Variants in MACF1 observed in about 807,000 individuals in gnomAD.
The protein encoded by MACF1 is microtubule actin crosslinking factor 1.
In MACF1, 193 loss-of-function variants were observed where a neutral mutation model predicts 854.8. The observed-to-expected ratio is 0.23, with a 90% CI of 0.20 to 0.25. MACF1 has a LOEUF of 0.25. Ranked by LOEUF, MACF1 falls within the 10% of genes least tolerant of loss-of-function variation. MACF1 has a pLI of 1.00. For synonymous variants in MACF1, 3,185 were observed against 3,226.7 expected, an observed-to-expected ratio of 0.99 and a Z score of 0.44; for missense variants, 7,722 against 8,929.1, an observed-to-expected ratio of 0.86 and a Z score of 5.45.
At chr1:39,447,316 T>C in intron 80 of MACF1, 116 bp from the exon 81 acceptor site, 1 of 951,370 alleles carries the variant, frequency 1.1e-6, no homozygotes, top group East Asian at 2.5e-5. Flanking sequence ...TAAATGAGGC[T>C]TCCTTTTTAG....
chr1:39,438,124 A>C, intron 71 of MACF1, 116 bp downstream of exon 71: 2 of 906,930 alleles, frequency 2.2e-6, no homozygotes, highest in Non-Finnish European at 3.3e-6. Context: ...AGTCCCCAGT[A>C]ATGAGTATTC....
At chr1:39,485,402 G>A (rs1645086793) in intron 100 of MACF1, 136 bp from the exon 101 acceptor site, 2 of 1,033,270 alleles carry the variant, frequency 1.9e-6, no homozygotes, top group Non-Finnish European at 1.4e-6. Context: ...CTTCTGTATG[G>A]ATGAGGAAAC....
chr1:39,146,838 TAA>T (rs754599184), intron 2 of MACF1, among the ~76,000 whole-genome samples: 1 of 152,174 alleles, frequency 6.6e-6, no homozygotes, highest in African/African-American at 2.4e-5. Context: ...TAAAAATAAC[TAA>T]AAGAGTTTAA....
chr1:39,360,673 T>TAAG (rs1025132629), intron 47 of MACF1, 120 bp from the exon 48 acceptor site: 1 of 254,832 alleles, frequency 3.9e-6, no homozygotes, highest in Non-Finnish European at 6.6e-6. Context: ...CACATCCATA[T>TAAG]AATAATAATA....
rs780577130 is a variant in MACF1, at chr1:39,368,151, C to T, written c.12775C>T (p.Leu4259Phe). The change falls in exon 50 of 101, where the codon CTC becomes TTC. Residue 4259 changes from leucine (L) to phenylalanine (F), a missense_variant. By Grantham distance (22) the Leu-to-Phe change is conservative. Around this residue, in one of 15 missense-constraint regions of MACF1, gnomAD observed 2,807 missense variants for 3,235.8 expected, o/e 0.87. Transcript: ENST00000564288. ...ITHFFQQIQELNLEMEDQQEN... is the reference protein window; with the variant it reads ...ITHFFQQIQEFNLEMEDQQEN... ...CATTTCCTTGTTTGCTTGACAGGAG[C>T]TCAATTTGGAAATGGAAGACCAACA... is the stretch of plus-strand genomic sequence containing the variant. The T allele has an allele frequency of 5.0e-6, 8 of 1,613,402 alleles. No homozygotes were observed. In the African/African-American group the frequency reaches 6.7e-5, roughly 13 times the overall value.
At position 39,410,738 on chromosome 1, in the gene MACF1, C is replaced by T. The variant is rs1442114334; in HGVS notation, c.15817-11636C>T. On this transcript the variant is annotated intron_variant, in intron 58 of 100. Transcript: ENST00000564288. ...GCTTCTCTCAGTGAGGTTTCAGAAG[C>T]TGGTGCTTCAAATCCTTCCTTGCAA... 4.3e-6 allele frequency: 7 copies of T among 1,613,972 alleles called. No individual in the cohort carries two copies. In the South Asian group the frequency reaches 6.6e-5, roughly 15 times the overall value.
intron 20 of MACF1, among the ~76,000 whole-genome samples, chr1:39,296,116 G>A (rs140892870): frequency 1.3e-5 from 2 of 152,192 alleles, no homozygotes; most frequent in African/African-American, 4.8e-5. Flanking sequence ...CAGACAGGCT[G>A]GGGGCTGGTT....
intron 2 of MACF1, among the ~76,000 whole-genome samples, chr1:39,177,436 A>G (rs1250136180): frequency 2.0e-5 from 3 of 152,088 alleles, no homozygotes; most frequent in East Asian, 1.9e-4. Context: ...TACTGTTTCT[A>G]TAGAAGGAGT....
chr1:39,360,333 A>G (rs596062), intron 47 of MACF1, among the ~76,000 whole-genome samples: 61,278 of 151,348 alleles, frequency 0.4, 14,570 homozygotes, highest in African/African-American at 0.67. Flanking sequence ...ATTGTGATGC[A>G]TCTTCCTCTG....
chr1:39,238,988 A>G (rs1352961705), intron 2 of MACF1, among the ~76,000 whole-genome samples: 1 of 152,098 alleles, frequency 6.6e-6, no homozygotes, highest in Non-Finnish European at 1.5e-5. Flanking sequence ...GTAAGGACAA[A>G]ACCAACCAGG....
Position 39,258,022 on chromosome 1 carries a change from T to C in MACF1, c.522T>C (p.His174=). The change falls in exon 6 of 101, where the codon CAT becomes CAC. Residue 174 remains histidine, a synonymous_variant. Coordinates refer to ENST00000564288, the MANE Select transcript of MACF1 (RefSeq NM_001394062.1). ...TLGLIWTIIL[H]FQISDIYISG... is the part of the protein sequence containing the mutation. Reference sequence around the variant, plus strand: ...GTCTGATCTGGACCATTATTTTGCATTTCCAGGTAGGGCATGTGAAGTTTG... The same window carrying C: ...GTCTGATCTGGACCATTATTTTGCACTTCCAGGTAGGGCATGTGAAGTTTG... 6.2e-7 allele frequency: 1 copy of C among 1,613,974 alleles called. No individual in the cohort carries two copies. The highest frequency in any genetic ancestry group is 8.5e-7 in the Non-Finnish European group (1 of 1,179,858).
At chr1:39,475,643 G>A (rs1299751944) in intron 97 of MACF1, among the ~76,000 whole-genome samples, 1 of 152,138 alleles carries the variant, frequency 6.6e-6, no homozygotes, top group African/African-American at 2.4e-5. Flanking sequence ...AGGGATTCAA[G>A]AGGCATTTGA....
At chr1:39,167,804 T>C (rs1469174981) in intron 2 of MACF1, among the ~76,000 whole-genome samples, 2 of 151,818 alleles carry the variant, frequency 1.3e-5, no homozygotes, top group East Asian at 3.9e-4. Context: ...AGCCAAGGCT[T>C]TGGAGGTTGC....
intron 38 of MACF1, 86 bp downstream of exon 38, chr1:39,337,417 C>A (rs1012445070): frequency 3.0e-6 from 4 of 1,351,008 alleles, no homozygotes; most frequent in African/African-American, 2.9e-5. Context: ...CTTACTAGAA[C>A]CTGCTTGCAC....
Position 39,310,974 on chromosome 1 carries a change from A to G in MACF1, c.3244A>G (p.Asn1082Asp). 1.2e-6 allele frequency: 2 copies of G among 1,613,950 alleles called. No homozygotes were observed. Among genetic ancestry groups the G allele is most frequent in the Non-Finnish European group, 8.5e-7 (1 of 1,179,928 alleles). The change falls in exon 26 of 101, where the codon AAT becomes GAT. Residue 1082 changes from asparagine (N) to aspartate (D), a missense_variant. Physicochemically the swap from Asn to Asp is conservative, Grantham distance 23. This residue lies in a region of MACF1 where 1,137 missense variants were observed against 1,263.0 expected (regional missense o/e 0.90). Coordinates refer to ENST00000564288, the MANE Select transcript of MACF1 (RefSeq NM_001394062.1). Reference protein sequence around the residue: ...SRTDRDAWQDNALRIAEQEHT... With the variant: ...SRTDRDAWQDDALRIAEQEHT... ...GACTGACAGAGATGCCTGGCAGGACAATGCATTAAGGATTGCAGAGCAAGA... is the reference window on the plus strand; with the variant it reads ...GACTGACAGAGATGCCTGGCAGGACGATGCATTAAGGATTGCAGAGCAAGA...
chr1:39,181,701 G>A (rs184562396), intron 2 of MACF1, among the ~76,000 whole-genome samples: 57 of 152,284 alleles, frequency 3.7e-4, no homozygotes, highest in African/African-American at 1.2e-3. Flanking sequence ...CTGGCATAGG[G>A]ATAGACATAT....
chr1:39,292,190 A>T (rs1645805363), intron 16 of MACF1, 152 bp downstream of exon 16: 2 of 852,080 alleles, frequency 2.3e-6, no homozygotes, highest in Non-Finnish European at 1.8e-6. Flanking sequence ...CCCTTTTCAC[A>T]TGAAGTGTAT....
chr1:39,451,691 A>C (rs1644343716), intron 85 of MACF1, among the ~76,000 whole-genome samples: 1 of 152,130 alleles, frequency 6.6e-6, no homozygotes, highest in Non-Finnish European at 1.5e-5. Flanking sequence ...TGAAATTACA[A>C]CAGATTCTTA....
At chr1:39,485,392 C>G (rs968966572) in intron 100 of MACF1, 146 bp from the exon 101 acceptor site, 2 of 964,342 alleles carry the variant, frequency 2.1e-6, no homozygotes, top group African/African-American at 3.3e-5. Flanking sequence ...GCTTCAGCAA[C>G]TTCTGTATGG....
Sources: allele counts gnomAD v4.1 joint callset (sites outside exome capture counted in the v4.1 genomes callset), GRCh38; gene constraint gnomAD v4.1.1; regional missense constraint gnomAD v4.1.1; transcripts MANE v1.5; gene names NCBI Gene and HGNC (gene_info 2026-07-23, HGNC 2026-07-21).